The following FAM149A variants were observed in gnomAD, a reference collection of about 807,000 sequenced individuals.
FAM149A encodes family with sequence similarity 149 member A.
A neutral mutation model predicts 78.2 loss-of-function variants in FAM149A; 71 were observed. That is an observed-to-expected ratio of 0.91 (90% CI 0.75 to 1.11). The LOEUF is 1.11. Ranked by LOEUF, FAM149A falls within the 50% of genes least tolerant of loss-of-function variation. The pLI is 0.00. For synonymous variants in FAM149A, 446 were observed against 410.5 expected, an observed-to-expected ratio of 1.09 and a Z score of -1.04; for missense variants, 1,036 against 971.0, an observed-to-expected ratio of 1.07 and a Z score of -0.89.
chr4:186,161,421 C>A (rs1174528305), intron 8 of FAM149A, among the ~76,000 whole-genome samples: 1 of 152,200 alleles, frequency 6.6e-6, no homozygotes, highest in Non-Finnish European at 1.5e-5. Context: ...TTGTTTCACT[C>A]TCTAGTGTAA....
chr4:186,167,144 A>G (rs1332021250), intron 12 of FAM149A, 40 bp from the exon 13 acceptor site: 10 of 1,605,582 alleles, frequency 6.2e-6, no homozygotes, highest in South Asian at 2.2e-5. Flanking sequence ...ACATTTGAAA[A>G]AAATGAAACT....
intron 9 of FAM149A, 34 bp from the exon 10 acceptor site, chr4:186,163,390 C>T (rs754475944): frequency 6.4e-6 from 10 of 1,567,476 alleles, no homozygotes; most frequent in South Asian, 4.4e-5. Context: ...TCACAGCACT[C>T]GCAGCTGAGT....
rs536690427 is a variant in FAM149A, at chr4:186,125,469, G to A, written c.566+19827G>A. ...GGAGCTGATCAGAGCACGCTGGGAA[G>A]CCTGAGGAAGATAGTCCGTCCGTCA... On this transcript the variant is annotated intron_variant, in intron 1 of 13. Transcript: ENST00000389354. 2.1e-5 allele frequency: 10 copies of A among 469,544 alleles called. No homozygotes were observed. The South Asian group carries it at 7.1e-4, about 33-fold the overall frequency. 29.1% of individuals were successfully genotyped at this position (469,544 alleles called of 1,614,324 possible).
chr4:186,160,091 A>G (rs1253010660), intron 8 of FAM149A, among the ~76,000 whole-genome samples: 1 of 140,924 alleles, frequency 7.1e-6, no homozygotes, highest in Non-Finnish European at 1.5e-5. Flanking sequence ...AACACATACC[A>G]CATACACACT....
At chr4:186,116,304 A>G (rs1319833166) in intron 1 of FAM149A, 7 of 223,224 alleles carry the variant, frequency 3.1e-5, no homozygotes, top group Non-Finnish European at 5.2e-5. Context: ...GGCACTCCCT[A>G]GTGAGATGCA....
intron 8 of FAM149A, chr4:186,158,706 C>T: frequency 2.0e-6 from 2 of 1,007,386 alleles, no homozygotes; most frequent in Non-Finnish European, 2.4e-6. Flanking sequence ...CTGCAGACTG[C>T]TCTGAAGGTG....
intron 1 of FAM149A, among the ~76,000 whole-genome samples, chr4:186,124,608 G>A (rs1018452187): frequency 1.3e-5 from 2 of 152,016 alleles, no homozygotes; most frequent in Non-Finnish European, 2.9e-5. Flanking sequence ...CTTTTTTATG[G>A]CTGCATAGTA....
intron 1 of FAM149A, chr4:186,117,396 A>G (rs1341120867): frequency 2.1e-6 from 2 of 974,560 alleles, no homozygotes; most frequent in Admixed American, 6.2e-5. Context: ...CAGGAAAAAT[A>G]AGATAAATGA....
intron 1 of FAM149A, chr4:186,130,263 A>ATATCTCTCTCTCTCTCTCTCTCTC (rs1554068048): frequency 1.5e-5 from 1 of 67,098 alleles, no homozygotes; most frequent in Non-Finnish European, 2.8e-5. Context: ...ACTTTATGAA[A>ATATCTCTCTCTCTCTCTCTCTCTC]TCTCTCTCTC....
At chr4:186,158,021 G>A (rs745612854) in intron 8 of FAM149A, 17 of 1,439,638 alleles carry the variant, frequency 1.2e-5, no homozygotes, top group Non-Finnish European at 1.4e-5. Context: ...ACAAAAGGAC[G>A]GACCAGCGAT....
Position 186,144,253 on chromosome 4 carries a change from A to G in FAM149A, c.567-4920A>G, listed in dbSNP as rs960560168. On this transcript the variant is annotated intron_variant, in intron 1 of 13. Coordinates refer to ENST00000389354, the MANE Select transcript of FAM149A (RefSeq NM_001367768.3). The surrounding 1 kb of genome is among the most constrained non-coding windows in gnomAD (Gnocchi z 4.2). The stretch of plus-strand genomic sequence containing the variant: ...GCTCCTGGTATAATCCTGGGCCTCC[A>G]AAACTGAAACGAGCACATGGTAACG... The G allele has an allele frequency of 2.0e-5, 3 of 152,184 alleles. No individual in the cohort carries two copies. Among genetic ancestry groups the G allele is most frequent in the African/African-American group, 7.2e-5 (3 of 41,448 alleles). 9.4% of individuals were successfully genotyped at this position (152,184 alleles called of 1,614,324 possible).
chr4:186,165,151 C>T (rs891041170), intron 10 of FAM149A, among the ~76,000 whole-genome samples, 193 bp from the exon 11 acceptor site: 1 of 152,232 alleles, frequency 6.6e-6, no homozygotes, highest in Non-Finnish European at 1.5e-5. Flanking sequence ...ATTGAGATAA[C>T]ATTTTCCCAT....
intron 1 of FAM149A, among the ~76,000 whole-genome samples, chr4:186,119,128 C>T (rs1025853322): frequency 1.3e-5 from 2 of 152,110 alleles, no homozygotes; most frequent in African/African-American, 4.8e-5. Context: ...GCAGTCAAAC[C>T]ACGCACCTTT....
In FAM149A at chr4:186,139,210, C is replaced by T. The variant is rs564386571; in HGVS notation, c.567-9963C>T. ...TTTTTGTTTTTTGAGCACTTTCCTA[C>T]AGTCTGGCAGTACAAGATGCTCCAG... is the stretch of plus-strand genomic sequence containing the variant. On this transcript the variant is annotated intron_variant, in intron 1 of 13. Coordinates refer to ENST00000389354, the MANE Select transcript of FAM149A (RefSeq NM_001367768.3). Among the ~76,000 whole-genome samples the T allele has an allele frequency of 3.1e-3, 474 of 152,234 alleles. 3 individuals are homozygous for T. The highest frequency in any genetic ancestry group is 0.011 in the African/African-American group (437 of 41,534).
Position 186,144,135 on chromosome 4 carries a change from T to C in FAM149A, c.567-5038T>C, listed in dbSNP as rs1282151846. 3 of 152,222 alleles carry C rather than the reference T, an allele frequency of 2.0e-5. No individual in the cohort carries two copies. Among genetic ancestry groups the C allele is most frequent in the Non-Finnish European group, 4.4e-5 (3 of 68,068 alleles). 9.4% of individuals were successfully genotyped at this position (152,222 alleles called of 1,614,324 possible). ...CACCCTCTGAGACTCAAAAATGTAG[T>C]TCACCTCCGCGACCTCACCCCTTCT... is the stretch of plus-strand genomic sequence containing the variant. On this transcript the variant is annotated intron_variant, in intron 1 of 13. Transcript: ENST00000389354. This position sits in a 1 kb window ranked among gnomAD's most constrained non-coding sequence, Gnocchi z 4.2.
Position 186,105,598 on chromosome 4 carries a change from C to T in FAM149A, c.522C>T (p.Ile174=), listed in dbSNP as rs928531880. 1.9e-6 allele frequency: 2 copies of T among 1,052,376 alleles called. No individual in the cohort carries two copies. Among genetic ancestry groups the T allele is most frequent in the Non-Finnish European group, 2.3e-6 (2 of 867,118 alleles). The allele number at this position is 1,052,376 out of a possible 1,614,324, so 65.2% of individuals were successfully genotyped here. A position where few individuals can be genotyped will look rare whatever the true frequency, so the allele number is the denominator to read the frequency against. The change falls in exon 1 of 14, where the codon ATC becomes ATT. Residue 174 remains isoleucine, a synonymous_variant. Transcript: ENST00000389354. ...CCCTGTTCCTTACGCTGCCTGACAT[C>T]GGCGAGGAGGGGGCCTCGGACGGCG...
At chr4:186,123,752 C>G (rs755587728) in intron 1 of FAM149A, 9 of 786,278 alleles carry the variant, frequency 1.1e-5, no homozygotes, top group Non-Finnish European at 1.4e-5. Context: ...CTCTAAGCAT[C>G]CACAAAATTG....
chr4:186,134,790 C>T (rs762090705), intron 1 of FAM149A, among the ~76,000 whole-genome samples: 3 of 72,748 alleles, frequency 4.1e-5, no homozygotes, highest in African/African-American at 1.3e-4. Flanking sequence ...CAAGCAGCAG[C>T]AGGCCTGCCC....
chr4:186,136,842 C>G (rs982362221), intron 1 of FAM149A, among the ~76,000 whole-genome samples: 1 of 152,120 alleles, frequency 6.6e-6, no homozygotes, highest in African/African-American at 2.4e-5. Flanking sequence ...CCTTTCCGTC[C>G]ACCTGTCTGT....
Sources: gnomAD v4.1 joint callset for allele counts (sites outside exome capture counted in the v4.1 genomes callset) on GRCh38, gnomAD v4.1.1 for gene constraint, Gnocchi (gnomAD v3.1) non-coding constraint, MANE v1.5 for transcripts, NCBI Gene and HGNC (gene_info 2026-07-23, HGNC 2026-07-21) for gene names.